PCCB: variants seen among roughly 807,000 people sequenced by gnomAD.
PCCB encodes the protein propionyl-CoA carboxylase subunit beta.
In PCCB, 43 loss-of-function variants were observed where a neutral mutation model predicts 60.7. That is an observed-to-expected ratio of 0.71 (90% CI 0.55 to 0.91). The LOEUF is 0.91. PCCB is among the 40% of genes least tolerant of loss of function. The pLI, the probability that PCCB is intolerant of heterozygous loss-of-function variation, is 0.00. For synonymous variants in PCCB, 276 were observed against 255.9 expected, an observed-to-expected ratio of 1.08 and a Z score of -0.75; for missense variants, 766 against 702.8, an observed-to-expected ratio of 1.09 and a Z score of -1.02.
intron 6 of PCCB, among the ~76,000 whole-genome samples, chr3:136,290,299 A>G (rs1933615898): frequency 6.6e-6 from 1 of 152,194 alleles, no homozygotes; most frequent in African/African-American, 2.4e-5. Context: ...AGAGCACAGA[A>G]TTCTAGGTTG....
intron 9 of PCCB, among the ~76,000 whole-genome samples, chr3:136,310,095 T>A (rs1934602763): frequency 6.6e-6 from 1 of 151,746 alleles, no homozygotes; most frequent in East Asian, 1.9e-4. Context: ...CCAGGCAAGG[T>A]GGCTCACACC....
intron 5 of PCCB, among the ~76,000 whole-genome samples, chr3:136,277,564 CTG>C (rs1018846182): frequency 2.6e-5 from 4 of 151,892 alleles, no homozygotes; most frequent in African/African-American, 9.7e-5. Flanking sequence ...GGTCTACACT[CTG>C]TCTCTCCATG....
intron 5 of PCCB, among the ~76,000 whole-genome samples, chr3:136,263,133 T>G (rs914777566): frequency 2.6e-5 from 4 of 151,766 alleles, no homozygotes; most frequent in Non-Finnish European, 5.9e-5. Flanking sequence ...TTTTGTATTT[T>G]TAGTAGAGAC....
chr3:136,304,694 A>G (rs1934399456), intron 9 of PCCB, among the ~76,000 whole-genome samples: 2 of 92,306 alleles, frequency 2.2e-5, no homozygotes, highest in African/African-American at 6.7e-5. Context: ...TGGCTTTCCA[A>G]TTCTTTTCTT....
At chr3:136,251,487 G>A (rs1941514551) in intron 1 of PCCB, among the ~76,000 whole-genome samples, 1 of 152,160 alleles carries the variant, frequency 6.6e-6, no homozygotes. Context: ...GAGGAGATTT[G>A]AACAGCTCTA....
rs1248241586 is a variant in PCCB, at chr3:136,317,451, A to G, written c.1090+387A>G. Among the ~76,000 whole-genome samples the G allele has an allele frequency of 2.0e-5, 3 of 150,632 alleles. No homozygotes were observed. The East Asian group carries it at 5.9e-4, about 30-fold the overall frequency. On this transcript the variant is annotated intron_variant, in intron 10 of 14. Transcript: ENST00000251654. ...GCCATGTTGCCTGTGCTGGTTTTGA[A>G]CTCCTGAGCTCAAGTGATCCGCCCA...
intron 7 of PCCB, among the ~76,000 whole-genome samples, chr3:136,296,195 A>G (rs1481654772): frequency 6.6e-6 from 1 of 152,228 alleles, no homozygotes; most frequent in African/African-American, 2.4e-5. Flanking sequence ...TTATTACCAC[A>G]ATCAATTTCA....
intron 10 of PCCB, among the ~76,000 whole-genome samples, chr3:136,319,200 G>A (rs1365262450): frequency 6.6e-6 from 1 of 152,048 alleles, no homozygotes; most frequent in African/African-American, 2.4e-5. Context: ...TTGGCCATTT[G>A]TATATCTTCT....
In PCCB at chr3:136,302,330, G is replaced by A. The variant is rs1425725237; in HGVS notation, c.966+1219G>A. On this transcript the variant is annotated intron_variant, in intron 9 of 14. Transcript: ENST00000251654. Reference sequence around the variant, plus strand: ...TGGAAGTTGCAGTCTTTCAACAGACGCCAGAGTCAAAATAGTTCCATCAGA... The same window carrying A: ...TGGAAGTTGCAGTCTTTCAACAGACACCAGAGTCAAAATAGTTCCATCAGA... Among the ~76,000 whole-genome samples the A allele has an allele frequency of 5.8e-5, 7 of 121,398 alleles. 2 individuals carry two copies. Among genetic ancestry groups the A allele is most frequent in the South Asian group, 3.2e-4 (1 of 3,090 alleles). 79.6% of individuals were successfully genotyped at this position (121,398 alleles called of 152,430 possible).
Position 136,250,369 on chromosome 3 carries a change from A to G in PCCB, c.-7A>G, listed in dbSNP as rs1342655410. 29 of 1,520,996 alleles carry G rather than the reference A, an allele frequency of 1.9e-5. 1 individual carries two copies. In the East Asian group the frequency reaches 6.0e-4, roughly 32 times the overall value. The allele number at this position is 1,520,996 out of a possible 1,614,324, so 94.2% of individuals were successfully genotyped here. On this transcript the variant is annotated 5_prime_UTR_variant, in exon 1 of 15. Transcript: ENST00000251654. ...GCGCCGGTAGGGGACGCGCCGGCAC[A>G]GCAAAAATGGCGGCGGCATTACGGG...
At chr3:136,290,553 G>C (rs1184827452) in intron 6 of PCCB, among the ~76,000 whole-genome samples, 1 of 150,484 alleles carries the variant, frequency 6.6e-6, no homozygotes, top group Admixed American at 6.6e-5. Flanking sequence ...AGAGATGGGG[G>C]TCTCCCTGTG....
intron 5 of PCCB, among the ~76,000 whole-genome samples, chr3:136,265,318 C>T (rs1463817600): frequency 1.3e-5 from 2 of 152,096 alleles, no homozygotes; most frequent in Non-Finnish European, 2.9e-5. Context: ...GTTTTCAAAC[C>T]TGCCACTCAC....
chr3:136,311,070 A>C (rs1934644294), intron 9 of PCCB, among the ~76,000 whole-genome samples: 1 of 152,160 alleles, frequency 6.6e-6, no homozygotes, highest in Non-Finnish European at 1.5e-5. Context: ...AATATTAACC[A>C]ATACAGTTAT....
intron 5 of PCCB, among the ~76,000 whole-genome samples, chr3:136,279,575 ATGT>A (rs1183003248): frequency 6.6e-6 from 1 of 152,076 alleles, no homozygotes; most frequent in Non-Finnish European, 1.5e-5. Flanking sequence ...TTCCTTTTTT[ATGT>A]TGTTATTGTC....
intron 9 of PCCB, among the ~76,000 whole-genome samples, chr3:136,313,646 A>G (rs1417491542): frequency 1.3e-5 from 2 of 152,206 alleles, no homozygotes; most frequent in Non-Finnish European, 2.9e-5. Context: ...TACATATTAA[A>G]AAATAAAATC....
At chr3:136,276,503 C>CT (rs1430475220) in intron 5 of PCCB, among the ~76,000 whole-genome samples, 1 of 152,044 alleles carries the variant, frequency 6.6e-6, no homozygotes, top group Non-Finnish European at 1.5e-5. Context: ...CTCTTTTCAT[C>CT]TGTAGGACTG....
chr3:136,274,910 A>G (rs1163997964), intron 5 of PCCB, among the ~76,000 whole-genome samples: 1 of 151,050 alleles, frequency 6.6e-6, no homozygotes, highest in Non-Finnish European at 1.5e-5. Context: ...TCCTGGGCTC[A>G]GGCAATCCTC....
At position 136,301,013 on chromosome 3, in the gene PCCB, C is replaced by T. The variant is rs766702094; in HGVS notation, c.885-17C>T. 1.2e-6 allele frequency: 2 copies of T among 1,610,602 alleles called. No individual in the cohort carries two copies. Among genetic ancestry groups the T allele is most frequent in the South Asian group, 2.2e-5 (2 of 91,006 alleles). ...CTCTTCCTATGTTGACTATACCTGC[C>T]TTTTTTCTGCCTAAAGTGACCGTCT... On this transcript the variant is annotated splice_polypyrimidine_tract_variant and intron_variant, in intron 8 of 14. Coordinates refer to ENST00000251654, the MANE Select transcript of PCCB (RefSeq NM_000532.5).
At chr3:136,268,110 ATATATATATATG>A (rs1331216369) in intron 5 of PCCB, among the ~76,000 whole-genome samples, 36 of 126,552 alleles carry the variant, frequency 2.8e-4, no homozygotes, top group African/African-American at 7.4e-4. Context: ...ATATATATAT[ATATATATATATG>A]TATATATATA....
Sources: allele counts gnomAD v4.1 joint callset (sites outside exome capture counted in the v4.1 genomes callset), GRCh38; gene constraint gnomAD v4.1.1; transcripts MANE v1.5; gene names NCBI Gene and HGNC (gene_info 2026-07-23, HGNC 2026-07-21).